Variants in CMTR1 observed in about 807,000 individuals in gnomAD.
The protein encoded by CMTR1 is cap methyltransferase 1.
Under a neutral mutation model 107.0 loss-of-function variants are expected in CMTR1, and 39 were observed. The ratio of observed to expected loss-of-function variants is 0.36; its 90% confidence interval spans 0.28 to 0.48. CMTR1 has a LOEUF of 0.48. Among genes scored for constraint, CMTR1 ranks in the 20% least tolerant of loss-of-function variants. The pLI is 0.99. For synonymous variants in CMTR1, 366 were observed against 379.5 expected (o/e 0.96, Z 0.41); for missense variants, 672 against 1,064.9 (o/e 0.63, Z 5.14).
Position 37,444,529 on chromosome 6 carries a change from C to T in CMTR1, c.285+379C>T, listed in dbSNP as rs113802546. The stretch of plus-strand genomic sequence containing the variant: ...TGGTGTCAAAAGAAACGACTAAAAT[C>T]CTGTTCACTCCCAGATGCCTAAAAT... On this transcript the variant is annotated intron_variant, in intron 3 of 23. Transcript: ENST00000373451. Among the ~76,000 whole-genome samples the T allele has an allele frequency of 2.7e-3, 409 of 152,240 alleles. 2 individuals carry two copies. The highest frequency in any genetic ancestry group is 9.1e-3 in the African/African-American group (378 of 41,528).
intron 13 of CMTR1, among the ~76,000 whole-genome samples, chr6:37,463,600 G>T (rs1311399301): frequency 5.3e-5 from 8 of 152,134 alleles, no homozygotes; most frequent in Non-Finnish European, 1.0e-4. Context: ...GAGATAGGCT[G>T]GAGGGTTGTA....
intron 20 of CMTR1, among the ~76,000 whole-genome samples, chr6:37,477,049 C>T (rs1357438975): frequency 6.6e-6 from 1 of 152,188 alleles, no homozygotes; most frequent in Non-Finnish European, 1.5e-5. Context: ...TCCCCACTAG[C>T]AGTTCCAAAG....
Position 37,459,599 on chromosome 6 carries a change from C to T in CMTR1, c.1010C>T (p.Thr337Ile). ...GGGATTGATGGAGATGGAGATATCACCCGCCCAGAGAACATCTCTGCTTTT... is the reference window on the plus strand; with the variant it reads ...GGGATTGATGGAGATGGAGATATCATCCGCCCAGAGAACATCTCTGCTTTT... The part of the protein sequence containing the change: ...EGGIDGDGDI[T>I]RPENISAFRN... The change falls in exon 10 of 24, where the codon ACC becomes ATC. Residue 337 changes from threonine to isoleucine, a missense_variant. Coordinates refer to ENST00000373451, the MANE Select transcript of CMTR1 (RefSeq NM_015050.3). The T allele has an allele frequency of 6.2e-7, 1 of 1,614,184 alleles. No homozygotes were observed. The highest frequency in any genetic ancestry group is 8.5e-7 in the Non-Finnish European group (1 of 1,180,026).
intron 2 of CMTR1, among the ~76,000 whole-genome samples, chr6:37,440,870 T>C (rs964906020): frequency 6.6e-6 from 1 of 152,210 alleles, no homozygotes; most frequent in Non-Finnish European, 1.5e-5. Flanking sequence ...TCCGTGCTCA[T>C]TGTTGGGCCC....
chr6:37,461,596 G>A lies in CMTR1; in HGVS notation c.1143G>A (p.Lys381=), dbSNP rs1391009310. 1.9e-6 allele frequency: 3 copies of A among 1,611,728 alleles called. No homozygotes were observed. Among genetic ancestry groups the A allele is most frequent in the South Asian group, 2.2e-5 (2 of 90,894 alleles). The change falls in exon 11 of 24, where the codon AAG becomes AAA. Residue 381 remains lysine, a synonymous_variant. Coordinates refer to ENST00000373451, the MANE Select transcript of CMTR1 (RefSeq NM_015050.3). The part of the protein sequence containing the change: ...GQENLQEILS[K]QLLLCQFLMA... The stretch of plus-strand genomic sequence containing the variant: ...AGAACCTGCAGGAGATCCTCAGCAA[G>A]CAGCTGCTTCTGTGTCAGTTCCTCA...
At chr6:37,437,451 C>T (rs868326084) in intron 2 of CMTR1, among the ~76,000 whole-genome samples, 6 of 139,200 alleles carry the variant, frequency 4.3e-5, no homozygotes, top group South Asian at 2.2e-4. Flanking sequence ...GGCGTGAACC[C>T]GGGAGGCAGA....
chr6:37,479,595 C>A (rs1449753296), intron 23 of CMTR1, among the ~76,000 whole-genome samples: 2 of 152,256 alleles, frequency 1.3e-5, no homozygotes, highest in Non-Finnish European at 2.9e-5. Context: ...TGAGGGCCCA[C>A]AGCCCTGCCC....
rs1025982749 is a variant in CMTR1 at position 37,475,252 on chromosome 6, C to T, written c.1945-69C>T. On this transcript the variant is annotated intron_variant, in intron 18 of 23. Coordinates refer to ENST00000373451, the MANE Select transcript of CMTR1 (RefSeq NM_015050.3). ...TGTAGGCAGAATGGAGCCAGCATGC[C>T]ATGGTGGGTAGTGGGGGCTGAAGGC... 16 of 1,229,302 alleles carry T rather than the reference C, an allele frequency of 1.3e-5. No homozygotes were observed. In the African/African-American group the frequency reaches 2.1e-4, roughly 16 times the overall value. The allele number at this position is 1,229,302 out of a possible 1,614,324, so 76.1% of individuals were successfully genotyped here. A position where few individuals can be genotyped will look rare whatever the true frequency, so the allele number is the denominator to read the frequency against.
At chr6:37,461,683 A>C (rs746159705) in intron 11 of CMTR1, 38 bp downstream of exon 11, 1 of 1,342,596 alleles carries the variant, frequency 7.4e-7, no homozygotes, top group Admixed American at 2.1e-5. Context: ...CCCAGGACCC[A>C]CTTAGAGGCC....
chr6:37,444,244 A>G (rs1771736164), intron 3 of CMTR1, 94 bp downstream of exon 3: 2 of 1,490,216 alleles, frequency 1.3e-6, no homozygotes, highest in Non-Finnish European at 9.0e-7. Flanking sequence ...AAGTTTGGCC[A>G]TAGGTTTTTC....
intron 10 of CMTR1, among the ~76,000 whole-genome samples, chr6:37,461,154 TGTTA>T (rs1389705006): frequency 6.6e-6 from 1 of 152,220 alleles, no homozygotes; most frequent in Non-Finnish European, 1.5e-5. Context: ...TCCCTGGTCT[TGTTA>T]GGACTCACCA....
intron 2 of CMTR1, among the ~76,000 whole-genome samples, chr6:37,443,557 G>T (rs1368028076): frequency 6.6e-6 from 1 of 152,084 alleles, no homozygotes; most frequent in Non-Finnish European, 1.5e-5. Flanking sequence ...GTTTCACCAT[G>T]TTGGCCAGGC....
intron 10 of CMTR1, among the ~76,000 whole-genome samples, 181 bp downstream of exon 10, chr6:37,459,865 G>C (rs1761366057): frequency 6.6e-6 from 1 of 152,182 alleles, no homozygotes; most frequent in African/African-American, 2.4e-5. Flanking sequence ...TGTAGAGACT[G>C]ATGTTGTGGA....
At chr6:37,435,494 A>G (rs1771507182) in intron 1 of CMTR1, 130 bp from the exon 2 acceptor site, 1 of 944,496 alleles carries the variant, frequency 1.1e-6, no homozygotes. Flanking sequence ...AGGCTATTCA[A>G]GTGCTGGCAC....
rs568518948 is a variant in CMTR1, at chr6:37,449,401, C to T, written c.445-850C>T. Among the ~76,000 whole-genome samples the T allele has an allele frequency of 4.6e-5, 7 of 152,250 alleles. No homozygotes were observed. In the East Asian group the frequency reaches 9.6e-4, roughly 21 times the overall value. ...TCGGCTCACTGCAACCTCTACCTTC[C>T]GGATTCAAGGGATTCTCCCGCCTCA... On this transcript the variant is annotated intron_variant, in intron 4 of 23. Transcript: ENST00000373451.
At chr6:37,466,114 GTT>G (rs763461526) in intron 13 of CMTR1, among the ~76,000 whole-genome samples, 1 of 125,184 alleles carries the variant, frequency 8.0e-6, no homozygotes, top group Non-Finnish European at 1.6e-5. Context: ...TACAGTTTTT[GTT>G]TTTTTTTTTT....
chr6:37,446,016 A>G (rs1771786173), intron 3 of CMTR1, among the ~76,000 whole-genome samples: 2 of 152,212 alleles, frequency 1.3e-5, no homozygotes, highest in Non-Finnish European at 2.9e-5. Flanking sequence ...AGATTCATGA[A>G]GTACTCTGGG....
At chr6:37,452,403 TTGTG>T (rs576556683) in intron 6 of CMTR1, among the ~76,000 whole-genome samples, 14 of 152,300 alleles carry the variant, frequency 9.2e-5, no homozygotes, top group South Asian at 6.2e-4. Flanking sequence ...GAGAATCACA[TTGTG>T]TGTGGGCAGA....
intron 22 of CMTR1, among the ~76,000 whole-genome samples, 160 bp from the exon 23 acceptor site, chr6:37,478,987 C>T (rs1049233275): frequency 1.4e-4 from 21 of 152,216 alleles, no homozygotes; most frequent in Non-Finnish European, 2.5e-4. Context: ...CCTGCAGCCC[C>T]TTTGGGCTGG....
Sources: allele counts gnomAD v4.1 joint callset (sites outside exome capture counted in the v4.1 genomes callset), GRCh38; gene constraint gnomAD v4.1.1; transcripts MANE v1.5; gene names NCBI Gene and HGNC (gene_info 2026-07-23, HGNC 2026-07-21).